The following SHISA6 variants were observed in gnomAD, a reference collection of about 807,000 sequenced individuals.
SHISA6 encodes the protein protein shisa-6.
SHISA6 carries 22 observed loss-of-function variants against 47.9 expected under a neutral mutation model. The ratio of observed to expected loss-of-function variants is 0.46; its 90% CI spans 0.33 to 0.66. The LOEUF (loss-of-function observed/expected upper bound fraction) is 0.66, where lower values mean the gene tolerates loss of function less well. SHISA6 is among the 30% of genes least tolerant of loss of function. The pLI is 0.02. For synonymous variants in SHISA6, 388 were observed against 337.8 expected (o/e 1.15, Z -1.63); for missense variants, 680 against 764.6 (o/e 0.89, Z 1.30).
intron 3 of SHISA6, among the ~76,000 whole-genome samples, chr17:11,502,560 C>G (rs1341780191): frequency 1.3e-5 from 2 of 151,602 alleles, no homozygotes; most frequent in African/African-American, 4.8e-5. Flanking sequence ...AACCCCTTCT[C>G]TACTAAAAGT....
intron 3 of SHISA6, among the ~76,000 whole-genome samples, chr17:11,505,451 A>G (rs1252205116): frequency 6.6e-6 from 1 of 152,240 alleles, no homozygotes; most frequent in African/African-American, 2.4e-5. Context: ...AAAATCCCAC[A>G]GTGCCTCTCT....
chr17:11,550,964 C>A (rs2071927429), intron 3 of SHISA6, among the ~76,000 whole-genome samples: 2 of 151,246 alleles, frequency 1.3e-5, no homozygotes, highest in South Asian at 4.1e-4. Flanking sequence ...AAGAAGGCTT[C>A]AGTCACAAGA....
chr17:11,433,188 C>T (rs1409205482), intron 3 of SHISA6, among the ~76,000 whole-genome samples: 10 of 152,044 alleles, frequency 6.6e-5, no homozygotes, highest in African/African-American at 1.4e-4. Flanking sequence ...CCCATCAACC[C>T]GTCATCTACA....
At chr17:11,349,153 T>C (rs1481066226) in intron 2 of SHISA6, among the ~76,000 whole-genome samples, 1 of 152,190 alleles carries the variant, frequency 6.6e-6, no homozygotes, top group African/African-American at 2.4e-5. Context: ...AAGTATAAAA[T>C]CTTGCCTGGC....
rs547210905 is a variant in SHISA6, at chr17:11,336,891, C to G, written c.800-42523C>G. 1.1e-3 allele frequency among the ~76,000 whole-genome samples: 171 copies of G among 152,302 alleles called. 1 individual carries two copies. The highest frequency in any genetic ancestry group is 3.9e-3 in the African/African-American group (163 of 41,566). On this transcript the variant is annotated intron_variant, in intron 2 of 5. Coordinates refer to ENST00000441885, the MANE Select transcript of SHISA6 (RefSeq NM_207386.4). ...GGAGCTGCCCCAGCGTCCGAAAACT[C>G]CCTCCAGGGCAGGCAGCACAGAGGT...
At chr17:11,391,430 C>T (rs1187841465) in intron 3 of SHISA6, among the ~76,000 whole-genome samples, 1 of 152,120 alleles carries the variant, frequency 6.6e-6, no homozygotes, top group Non-Finnish European at 1.5e-5. Flanking sequence ...CTGCCCATGC[C>T]CTCTTCCTCC....
intron 1 of SHISA6, among the ~76,000 whole-genome samples, chr17:11,253,619 G>A (rs767633014): frequency 3.9e-5 from 6 of 152,028 alleles, no homozygotes; most frequent in Non-Finnish European, 8.8e-5. Context: ...TCGTTGATAG[G>A]GATTAGCCTG....
At chr17:11,348,456 C>T (rs1911769879) in intron 2 of SHISA6, among the ~76,000 whole-genome samples, 1 of 151,864 alleles carries the variant, frequency 6.6e-6, no homozygotes, top group Non-Finnish European at 1.5e-5. Flanking sequence ...TTGTCACCCT[C>T]TATATTTAAA....
chr17:11,301,719 A>G (rs1044777653), intron 2 of SHISA6, among the ~76,000 whole-genome samples: 3 of 152,132 alleles, frequency 2.0e-5, no homozygotes, highest in African/African-American at 7.2e-5. Flanking sequence ...CCCCAAGTCA[A>G]TGTCATGCCG....
chr17:11,527,255 G>A (rs1372580354), intron 3 of SHISA6, among the ~76,000 whole-genome samples: 1 of 152,078 alleles, frequency 6.6e-6, no homozygotes, highest in Admixed American at 6.5e-5. Context: ...CTCCTGCCCC[G>A]TGAGGAGAAC....
intron 2 of SHISA6, among the ~76,000 whole-genome samples, chr17:11,329,729 C>T (rs1382904450): frequency 3.3e-5 from 5 of 152,166 alleles, no homozygotes; most frequent in Non-Finnish European, 7.4e-5. Context: ...AGGAGAAGAT[C>T]CCAGCAAGGT....
In SHISA6 at chr17:11,439,423, T is replaced by C. The variant is rs144052360; in HGVS notation, c.895+59914T>C. The stretch of plus-strand genomic sequence containing the variant: ...GCTCAGATAGTAACATTGGAAAGCC[T>C]TAGCATGCAGCAGTGAAGAGTCACA... On this transcript the variant is annotated intron_variant, in intron 3 of 5. Coordinates refer to ENST00000441885, the MANE Select transcript of SHISA6 (RefSeq NM_207386.4). 3.5e-4 allele frequency among the ~76,000 whole-genome samples: 53 copies of C among 152,220 alleles called. 1 individual carries two copies. Among genetic ancestry groups the C allele is most frequent in the African/African-American group, 1.3e-3 (53 of 41,546 alleles).
At chr17:11,508,355 A>ATCTGAGTG (rs1370497317) in intron 3 of SHISA6, among the ~76,000 whole-genome samples, 4 of 141,830 alleles carry the variant, frequency 2.8e-5, no homozygotes, top group East Asian at 2.3e-4. Context: ...ACAGAAGGGT[A>ATCTGAGTG]AAAAGGGACA....
In SHISA6 at chr17:11,263,368, C is replaced by T; in HGVS notation, c.641C>T (p.Ala214Val). ...TATGTGATCTCCTCCTTGTTTAGGG[C>T]TCTGGCTGACATCTTAAGACAACAG... ...RPPREMNIHRALADILRQQGP... is the reference protein window; with the variant it reads ...RPPREMNIHRVLADILRQQGP... Residue 214 changes from alanine to valine, a missense_variant and splice_region_variant, in exon 2 of 6, where the codon GCT (alanine) becomes GTT (valine). Physicochemically the swap from Ala to Val is moderately conservative, Grantham distance 64. Transcript: ENST00000441885. The T allele has an allele frequency of 6.4e-7, 1 of 1,552,092 alleles. No individual in the cohort carries two copies. Among genetic ancestry groups the T allele is most frequent in the Non-Finnish European group, 8.7e-7 (1 of 1,147,050 alleles).
At chr17:11,404,537 T>C (rs1029345266) in intron 3 of SHISA6, among the ~76,000 whole-genome samples, 4 of 152,136 alleles carry the variant, frequency 2.6e-5, no homozygotes, top group Non-Finnish European at 5.9e-5. Flanking sequence ...CCATTTGCCC[T>C]CTCACTGTTT....
At chr17:11,506,159 A>G (rs1382013925) in intron 3 of SHISA6, among the ~76,000 whole-genome samples, 1 of 152,170 alleles carries the variant, frequency 6.6e-6, no homozygotes, top group Non-Finnish European at 1.5e-5. Flanking sequence ...TCTCTGAGTG[A>G]CAGACACTTG....
intron 2 of SHISA6, among the ~76,000 whole-genome samples, chr17:11,360,683 G>A (rs1437833798): frequency 2.6e-5 from 4 of 151,836 alleles, no homozygotes; most frequent in Non-Finnish European, 4.4e-5. Flanking sequence ...TTATGTATGC[G>A]GGGCTTAAAA....
chr17:11,330,042 G>A (rs1911041788), intron 2 of SHISA6, among the ~76,000 whole-genome samples: 1 of 152,040 alleles, frequency 6.6e-6, no homozygotes, highest in Non-Finnish European at 1.5e-5. Flanking sequence ...CTTTCCATAT[G>A]AGTAGAATAT....
rs573068577 is a variant in SHISA6, at chr17:11,522,883, G to A, written c.896-29013G>A. Reference sequence around the variant, plus strand: ...ACTTGCATGCAATAATACTTTACACGTAGGCTTCCAGAAGTTTCTTTGCCT... The same window carrying A: ...ACTTGCATGCAATAATACTTTACACATAGGCTTCCAGAAGTTTCTTTGCCT... On this transcript the variant is annotated intron_variant, in intron 3 of 5. Coordinates refer to ENST00000441885, the MANE Select transcript of SHISA6 (RefSeq NM_207386.4). 7.9e-5 allele frequency among the ~76,000 whole-genome samples: 12 copies of A among 152,284 alleles called. No individual in the cohort carries two copies. The East Asian group carries it at 1.5e-3, about 20-fold the overall frequency.
Sources: gnomAD v4.1 joint callset for allele counts (sites outside exome capture counted in the v4.1 genomes callset) on GRCh38, gnomAD v4.1.1 for gene constraint, MANE v1.5 for transcripts, NCBI Gene and HGNC (gene_info 2026-07-23, HGNC 2026-07-21) for gene names.